DOCK1: variants seen among roughly 807,000 people sequenced by gnomAD.
The protein encoded by DOCK1 is dedicator of cytokinesis 1.
A neutral mutation model predicts 262.7 loss-of-function variants in DOCK1; 138 were observed. The observed-to-expected ratio is 0.53, with a 90% CI of 0.46 to 0.61. The LOEUF is 0.61. Ranked by LOEUF, DOCK1 falls within the 20% of genes least tolerant of loss-of-function variation. The pLI, the probability that DOCK1 is intolerant of heterozygous loss-of-function variation, is 0.00. For synonymous variants in DOCK1, 866 were observed against 867.4 expected (o/e 1.00, Z 0.03); for missense variants, 1,908 against 2,370.7 (o/e 0.80, Z 4.05).
At chr10:127,163,861 C>T (rs1188324473) in intron 27 of DOCK1, among the ~76,000 whole-genome samples, 2 of 150,684 alleles carry the variant, frequency 1.3e-5, no homozygotes, top group Admixed American at 1.3e-4. Context: ...GAAGAAACAC[C>T]CTTAATGAAC....
intron 25 of DOCK1, among the ~76,000 whole-genome samples, chr10:127,118,793 C>T (rs1362519418): frequency 6.6e-6 from 1 of 152,194 alleles, no homozygotes; most frequent in Non-Finnish European, 1.5e-5. Context: ...AACAGAAACA[C>T]TGTACAGGCC....
Position 127,452,474 on chromosome 10 carries a change from A to G in DOCK1, c.*1047A>G, listed in dbSNP as rs1157187812. 1 of 152,678 alleles carries G rather than the reference A, an allele frequency of 6.5e-6. No homozygotes were observed. The highest frequency in any genetic ancestry group is 1.5e-5 in the Non-Finnish European group (1 of 68,042). The allele number at this position is 152,678 out of a possible 1,614,324, so 9.5% of individuals were successfully genotyped here. Reference sequence around the variant, plus strand: ...ATGATACTCTTCTAATAGACTTAAAAGTTAATCATTGACAACGAAAAATAA... The same window carrying G: ...ATGATACTCTTCTAATAGACTTAAAGGTTAATCATTGACAACGAAAAATAA... On this transcript the variant is annotated 3_prime_UTR_variant, in exon 52 of 52. Coordinates refer to ENST00000623213, the MANE Select transcript of DOCK1 (RefSeq NM_001290223.2).
At chr10:127,315,347 T>TTAAGG (rs772879600) in intron 29 of DOCK1, among the ~76,000 whole-genome samples, 46 of 152,126 alleles carry the variant, frequency 3.0e-4, no homozygotes, top group Non-Finnish European at 4.6e-4. Context: ...AAAAAGGTAA[T>TTAAGG]TAAGGTTAAA....
chr10:127,008,702 A>T, intron 10 of DOCK1, 30 bp from the exon 11 acceptor site: 1 of 1,556,630 alleles, frequency 6.4e-7, no homozygotes, highest in Non-Finnish European at 8.7e-7. Context: ...ATTTAAGCCA[A>T]AACAATCTCT....
chr10:127,166,970 G>A (rs2054142904), intron 27 of DOCK1, among the ~76,000 whole-genome samples: 1 of 151,878 alleles, frequency 6.6e-6, no homozygotes, highest in Admixed American at 6.6e-5. Context: ...TTCTGCACAG[G>A]AAGATTATTT....
chr10:126,914,989 G>A (rs1026621454), intron 1 of DOCK1, among the ~76,000 whole-genome samples: 2 of 152,118 alleles, frequency 1.3e-5, no homozygotes, highest in Non-Finnish European at 1.5e-5. Flanking sequence ...GGCCTGGTCT[G>A]GGGGTGGTGC....
intron 29 of DOCK1, among the ~76,000 whole-genome samples, chr10:127,301,448 C>T (rs780533833): frequency 2.6e-5 from 4 of 152,156 alleles, no homozygotes; most frequent in South Asian, 2.1e-4. Flanking sequence ...CTGTGCTAAC[C>T]GCTTCTTTTG....
At chr10:127,268,635 C>T (rs2060459346) in intron 29 of DOCK1, among the ~76,000 whole-genome samples, 1 of 152,078 alleles carries the variant, frequency 6.6e-6, no homozygotes, top group South Asian at 2.1e-4. Context: ...CAAACCAGCG[C>T]CCTCTAGAAC....
chr10:127,057,431 G>T (rs1794012914), intron 22 of DOCK1, among the ~76,000 whole-genome samples: 1 of 152,208 alleles, frequency 6.6e-6, no homozygotes, highest in Non-Finnish European at 1.5e-5. Flanking sequence ...GTGAAACTTT[G>T]AAGATGAAGA....
chr10:126,987,558 A>G lies in DOCK1; in HGVS notation c.265A>G (p.Ile89Val), dbSNP rs1436243796. Reference sequence around the variant, plus strand: ...AGTCATCCCGGGTGACCTCCCCCTCATCCAGGAAGTCACCACGACACTCCG... The same window carrying G: ...AGTCATCCCGGGTGACCTCCCCCTCGTCCAGGAAGTCACCACGACACTCCG... ...ETVIPGDLPLIQEVTTTLREW... is the reference protein window; with the variant it reads ...ETVIPGDLPLVQEVTTTLREW... Residue 89 changes from isoleucine (I) to valine (V), a missense_variant, in exon 5 of 52, where the codon ATC becomes GTC. Transcript: ENST00000623213. 6 of 1,581,314 alleles carry G rather than the reference A, an allele frequency of 3.8e-6. No homozygotes were observed. The highest frequency in any genetic ancestry group is 5.2e-6 in the Non-Finnish European group (6 of 1,163,496).
chr10:127,129,661 T>G (rs2050189165), intron 27 of DOCK1, among the ~76,000 whole-genome samples: 1 of 152,162 alleles, frequency 6.6e-6, no homozygotes, highest in African/African-American at 2.4e-5. Flanking sequence ...GTGCCGCAGG[T>G]GCACTCTGCA....
Position 126,990,366 on chromosome 10 carries a change from A to C in DOCK1, c.325-89A>C, listed in dbSNP as rs536847265. The C allele has an allele frequency of 2.2e-6, 3 of 1,333,958 alleles. No homozygotes were observed. In the South Asian group the frequency reaches 4.6e-5, roughly 20 times the overall value. 82.6% of individuals were successfully genotyped at this position (1,333,958 alleles called of 1,614,324 possible). A position where few individuals can be genotyped will look rare whatever the true frequency, so the allele number is the denominator to read the frequency against. ...TCTCATGATCTAGTGCTTATACCTC[A>C]TGCGTATTTGAAGAGATAGCCATTC... is the stretch of plus-strand genomic sequence containing the variant. On this transcript the variant is annotated intron_variant, in intron 5 of 51. Transcript: ENST00000623213.
intron 38 of DOCK1, among the ~76,000 whole-genome samples, chr10:127,393,929 G>C (rs1222746793): frequency 6.6e-6 from 1 of 151,338 alleles, no homozygotes; most frequent in African/African-American, 2.4e-5. Context: ...TTCCATTCTT[G>C]CCGCCCGCCT....
At chr10:127,204,295 G>C (rs1227545127) in intron 27 of DOCK1, among the ~76,000 whole-genome samples, 1 of 152,116 alleles carries the variant, frequency 6.6e-6, no homozygotes, top group Non-Finnish European at 1.5e-5. Flanking sequence ...GTTTTGTTTG[G>C]TTTGGTTTTG....
At chr10:126,906,105 G>A (rs888030996) in intron 1 of DOCK1, among the ~76,000 whole-genome samples, 5 of 152,292 alleles carry the variant, frequency 3.3e-5, no homozygotes, top group African/African-American at 1.2e-4. Flanking sequence ...AGCGCCCCTT[G>A]CCCCTCGGCG....
chr10:127,278,587 A>G (rs1462990477), intron 29 of DOCK1, among the ~76,000 whole-genome samples: 1 of 152,188 alleles, frequency 6.6e-6, no homozygotes, highest in Admixed American at 6.5e-5. Context: ...GAAAAGACAT[A>G]TATTCTTCCC....
intron 10 of DOCK1, among the ~76,000 whole-genome samples, chr10:127,007,060 C>A (rs972845986): frequency 6.6e-6 from 1 of 152,148 alleles, no homozygotes; most frequent in East Asian, 1.9e-4. Context: ...GGAAACGCTT[C>A]CCCCAGGCCA....
intron 1 of DOCK1, among the ~76,000 whole-genome samples, chr10:126,940,372 A>C (rs2034891808): frequency 6.6e-6 from 1 of 152,150 alleles, no homozygotes; most frequent in Non-Finnish European, 1.5e-5. Flanking sequence ...AGATGACAGG[A>C]GTCTGCAGCA....
intron 38 of DOCK1, among the ~76,000 whole-genome samples, chr10:127,402,111 T>A (rs533405319): frequency 6.6e-6 from 1 of 152,324 alleles, no homozygotes. Flanking sequence ...AAGCAGGCCC[T>A]GGATTAAGGT....
Sources: gnomAD v4.1 joint callset for allele counts (sites outside exome capture counted in the v4.1 genomes callset) on GRCh38, gnomAD v4.1.1 for gene constraint, MANE v1.5 for transcripts, NCBI Gene and HGNC (gene_info 2026-07-23, HGNC 2026-07-21) for gene names.